Variants in FIP1L1 observed in about 807,000 individuals in gnomAD.
FIP1L1 encodes factor interacting with PAPOLA and CPSF1.
Under a neutral mutation model 84.6 loss-of-function variants are expected in FIP1L1, and 21 were observed. The ratio of observed to expected loss-of-function variants is 0.25; its 90% CI spans 0.18 to 0.36. The LOEUF is 0.36. Among genes scored for constraint, FIP1L1 ranks in the 10% least tolerant of loss-of-function variants. The pLI is 1.00. For synonymous variants in FIP1L1, 263 were observed against 242.3 expected, an observed-to-expected ratio of 1.09 and a Z score of -0.80; for missense variants, 526 against 751.1, an observed-to-expected ratio of 0.70 and a Z score of 3.50.
intron 13 of FIP1L1, among the ~76,000 whole-genome samples, chr4:53,433,768 T>C (rs187817586): frequency 3.9e-5 from 6 of 152,334 alleles, no homozygotes; most frequent in East Asian, 3.9e-4. Context: ...TTTAACTGTT[T>C]ATCTAGATAC....
intron 14 of FIP1L1, among the ~76,000 whole-genome samples, chr4:53,443,122 A>G (rs1261507142): frequency 6.6e-6 from 1 of 152,096 alleles, no homozygotes; most frequent in Non-Finnish European, 1.5e-5. Flanking sequence ...TTGATACACC[A>G]TCTCAGCTTC....
chr4:53,407,732 C>T (rs1391320395), intron 10 of FIP1L1, among the ~76,000 whole-genome samples: 1 of 151,902 alleles, frequency 6.6e-6, no homozygotes, highest in East Asian at 1.9e-4. Context: ...TGAATTGATC[C>T]CTTTAGCATT....
intron 16 of FIP1L1, among the ~76,000 whole-genome samples, chr4:53,453,998 T>C (rs1717568951): frequency 6.6e-6 from 1 of 152,212 alleles, no homozygotes; most frequent in Admixed American, 6.5e-5. Flanking sequence ...ATGTAAAAGT[T>C]TCATAATCTT....
At chr4:53,436,594 A>G (rs986561854) in intron 13 of FIP1L1, among the ~76,000 whole-genome samples, 2 of 152,202 alleles carry the variant, frequency 1.3e-5, no homozygotes, top group Admixed American at 1.3e-4. Flanking sequence ...CCCACACAGG[A>G]CATAAATACC....
intron 9 of FIP1L1, among the ~76,000 whole-genome samples, chr4:53,398,892 C>G (rs1333909896): frequency 6.6e-6 from 1 of 152,112 alleles, no homozygotes; most frequent in East Asian, 1.9e-4. Flanking sequence ...TGGCTCACAC[C>G]TGTAATTCCA....
chr4:53,444,252 C>A, intron 15 of FIP1L1, 149 bp downstream of exon 15: 1 of 511,676 alleles, frequency 2.0e-6, no homozygotes, highest in Non-Finnish European at 3.5e-6. Flanking sequence ...TATGTATCTG[C>A]CAGGTTAGCA....
chr4:53,390,680 C>A, intron 7 of FIP1L1, 52 bp downstream of exon 7: 1 of 1,293,912 alleles, frequency 7.7e-7, no homozygotes, highest in South Asian at 1.4e-5. Flanking sequence ...GTGAAGTCAT[C>A]AGAAAATTTT....
chr4:53,400,124 G>C (rs1749468450), intron 10 of FIP1L1, among the ~76,000 whole-genome samples: 1 of 152,162 alleles, frequency 6.6e-6, no homozygotes, highest in African/African-American at 2.4e-5. Flanking sequence ...ACATTCAAGA[G>C]AGGTGGTAAC....
chr4:53,448,451 G>A (rs1282982308), intron 15 of FIP1L1, among the ~76,000 whole-genome samples: 1 of 152,018 alleles, frequency 6.6e-6, no homozygotes, highest in Non-Finnish European at 1.5e-5. Flanking sequence ...ACTGAACTTA[G>A]CAAGTTCCAT....
At chr4:53,410,623 A>G (rs1376776028) in intron 10 of FIP1L1, among the ~76,000 whole-genome samples, 1 of 152,222 alleles carries the variant, frequency 6.6e-6, no homozygotes, top group Non-Finnish European at 1.5e-5. Context: ...CATAAAATAA[A>G]CAGCAAGTAA....
At chr4:53,405,007 G>C (rs1445400933) in intron 10 of FIP1L1, among the ~76,000 whole-genome samples, 1 of 152,122 alleles carries the variant, frequency 6.6e-6, no homozygotes, top group Admixed American at 6.5e-5. Flanking sequence ...AAGCTCTTTA[G>C]TTTAATGAGA....
intron 16 of FIP1L1, among the ~76,000 whole-genome samples, chr4:53,456,924 T>C (rs1719393448): frequency 6.6e-6 from 1 of 152,116 alleles, no homozygotes; most frequent in Non-Finnish European, 1.5e-5. Context: ...TATGAGATAA[T>C]TGACTTTAAC....
At chr4:53,399,873 G>A (rs542567872) in intron 10 of FIP1L1, 34 bp downstream of exon 10, 30 of 1,329,576 alleles carry the variant, frequency 2.3e-5, no homozygotes, top group Admixed American at 1.2e-4. Context: ...ATTACTGTAC[G>A]ACATTGGTAT....
At chr4:53,385,622 G>C (rs1175818944) in intron 5 of FIP1L1, among the ~76,000 whole-genome samples, 1 of 152,010 alleles carries the variant, frequency 6.6e-6, no homozygotes, top group African/African-American at 2.4e-5. Flanking sequence ...TTTAGTTACA[G>C]TTGTCTCTGA....
At chr4:53,439,725 A>T (rs1771063072) in intron 13 of FIP1L1, among the ~76,000 whole-genome samples, 1 of 151,992 alleles carries the variant, frequency 6.6e-6, no homozygotes, top group Non-Finnish European at 1.5e-5. Flanking sequence ...TCCTGCTTAG[A>T]AATCTCTCAT....
At chr4:53,458,583 CTT>C in intron 16 of FIP1L1, 68 bp from the exon 17 acceptor site, 1 of 1,523,346 alleles carries the variant, frequency 6.6e-7, no homozygotes, top group Non-Finnish European at 8.9e-7. Context: ...GATCACATCT[CTT>C]TTACAGTTTG....
intron 13 of FIP1L1, among the ~76,000 whole-genome samples, chr4:53,433,551 A>G (rs1326443809): frequency 6.6e-6 from 1 of 152,058 alleles, no homozygotes; most frequent in Non-Finnish European, 1.5e-5. Context: ...ACTGTAGAAT[A>G]GAAGGTAAAT....
intron 3 of FIP1L1, among the ~76,000 whole-genome samples, chr4:53,379,874 C>G (rs750704068): frequency 2.0e-5 from 3 of 152,162 alleles, no homozygotes; most frequent in Non-Finnish European, 4.4e-5. Flanking sequence ...CGGCTTTACC[C>G]TGACCACATG....
At chr4:53,425,760 T>C (rs1270001347) in intron 11 of FIP1L1, 112 bp from the exon 12 acceptor site, 1 of 734,222 alleles carries the variant, frequency 1.4e-6, no homozygotes, top group Non-Finnish European at 2.2e-6. Flanking sequence ...TGTGATCTGG[T>C]TTTATTTTAA....
Sources: allele counts gnomAD v4.1 joint callset (sites outside exome capture counted in the v4.1 genomes callset), GRCh38; gene constraint gnomAD v4.1.1; transcripts MANE v1.5; gene names NCBI Gene and HGNC (gene_info 2026-07-23, HGNC 2026-07-21).